LRP1B: variants seen among roughly 807,000 people sequenced by gnomAD.
LRP1B encodes the protein LDL receptor related protein 1B, also known as low-density lipoprotein receptor-related protein 1B.
LRP1B carries 217 observed loss-of-function variants against 556.6 expected under a neutral mutation model. The observed-to-expected ratio is 0.39, with a 90% CI of 0.35 to 0.44. The LOEUF is 0.44. LRP1B is among the 20% of genes least tolerant of loss of function. The pLI is 1.00. For synonymous variants in LRP1B, 2,047 were observed against 1,865.8 expected, an observed-to-expected ratio of 1.10 and a Z score of -2.50; for missense variants, 5,053 against 5,620.8, an observed-to-expected ratio of 0.90 and a Z score of 3.23.
At chr2:141,775,095 G>C (rs1695019746) in intron 2 of LRP1B, among the ~76,000 whole-genome samples, 1 of 152,188 alleles carries the variant, frequency 6.6e-6, no homozygotes, top group Admixed American at 6.5e-5. Context: ...TAACATGTAG[G>C]AGTCCTTCCC....
intron 76 of LRP1B, among the ~76,000 whole-genome samples, chr2:140,351,982 A>T (rs765728577): frequency 6.6e-6 from 1 of 152,072 alleles, no homozygotes; most frequent in Non-Finnish European, 1.5e-5. Context: ...AAGCATATCA[A>T]ATGCTATAGC....
intron 7 of LRP1B, among the ~76,000 whole-genome samples, chr2:141,145,503 A>G (rs1057508363): frequency 5.3e-5 from 8 of 151,118 alleles, no homozygotes; most frequent in African/African-American, 1.9e-4. Context: ...GTCATAAAAT[A>G]CTGTTTTTCT....
intron 1 of LRP1B, among the ~76,000 whole-genome samples, chr2:141,913,967 C>G (rs531561634): frequency 6.6e-6 from 1 of 152,114 alleles, no homozygotes; most frequent in East Asian, 1.9e-4. Context: ...AGGATGGTCT[C>G]GATCTCCTGA....
At chr2:140,758,739 G>A (rs1361420667) in intron 35 of LRP1B, among the ~76,000 whole-genome samples, 1 of 151,814 alleles carries the variant, frequency 6.6e-6, no homozygotes, top group Non-Finnish European at 1.5e-5. Context: ...CAAAATATCA[G>A]TTGCTTTACC....
chr2:141,096,346 G>A (rs553365729), intron 7 of LRP1B, among the ~76,000 whole-genome samples: 1 of 151,980 alleles, frequency 6.6e-6, no homozygotes, highest in South Asian at 2.1e-4. Context: ...CCAGCACTTC[G>A]GGAGGCTGAA....
intron 18 of LRP1B, among the ~76,000 whole-genome samples, chr2:140,975,471 T>A (rs1696566087): frequency 2.2e-5 from 1 of 44,846 alleles, no homozygotes. Flanking sequence ...CCTCTCTGCC[T>A]GAAGAGCTAA....
chr2:140,399,344 T>G lies in LRP1B; in HGVS notation c.10415-13335A>C, dbSNP rs142695230. Among the ~76,000 whole-genome samples the G allele has an allele frequency of 3.4e-3, 525 of 152,284 alleles. 4 individuals carry two copies. The highest frequency in any genetic ancestry group is 0.012 in the African/African-American group (508 of 41,564). ...ACTGCTAGTATCATCTGGCATCATTTTTTCTCTTATATCTTTTTTACACTG... is the reference window on the plus strand; with the variant it reads ...ACTGCTAGTATCATCTGGCATCATTGTTTCTCTTATATCTTTTTTACACTG... On this transcript the variant is annotated intron_variant, in intron 66 of 90. Transcript: ENST00000389484.
At chr2:141,618,204 G>A (rs1688380464) in intron 2 of LRP1B, among the ~76,000 whole-genome samples, 1 of 151,890 alleles carries the variant, frequency 6.6e-6, no homozygotes, top group Non-Finnish European at 1.5e-5. Context: ...TTCCTCGCTA[G>A]TAATTTATGG....
In LRP1B at chr2:140,994,130, G is replaced by C. The variant is rs761944538; in HGVS notation, c.2509C>G (p.Pro837Ala). 6.2e-7 allele frequency: 1 copy of C among 1,611,800 alleles called. No individual in the cohort carries two copies. ...CATATGTGAGGTAGTGCTTCTCCAG[G>C]ATTAACTAGAGTTAAAAAAACCCAA... ...DENGTTCTFNPGEALPHICKA... is the reference protein window; with the variant it reads ...DENGTTCTFNAGEALPHICKA... The change falls in exon 16 of 91, where the codon CCT becomes GCT. Residue 837 changes from proline (P) to alanine (A), a missense_variant. Coordinates refer to ENST00000389484, the MANE Select transcript of LRP1B (RefSeq NM_018557.3).
intron 3 of LRP1B, among the ~76,000 whole-genome samples, chr2:141,426,816 C>T (rs1004681252): frequency 6.6e-6 from 1 of 152,148 alleles, no homozygotes; most frequent in South Asian, 2.1e-4. Context: ...CTGGTTTACA[C>T]AGAACTTTTC....
At chr2:140,376,066 T>C (rs1429545290) in intron 68 of LRP1B, among the ~76,000 whole-genome samples, 2 of 152,028 alleles carry the variant, frequency 1.3e-5, no homozygotes, top group Non-Finnish European at 2.9e-5. Context: ...CAACTACCAA[T>C]AGTGTTAGCT....
chr2:140,494,606 C>CAAAA (rs77006034), intron 56 of LRP1B, among the ~76,000 whole-genome samples: 12 of 64,152 alleles, frequency 1.9e-4, no homozygotes, highest in African/African-American at 3.1e-4. Context: ...GACTCCGTCT[C>CAAAA]AAAAAAAAAA....
chr2:141,319,455 T>C (rs1171875147), intron 3 of LRP1B, among the ~76,000 whole-genome samples: 1 of 151,934 alleles, frequency 6.6e-6, no homozygotes, highest in East Asian at 1.9e-4. Context: ...CATTAACATA[T>C]AGTATATCAC....
intron 3 of LRP1B, among the ~76,000 whole-genome samples, chr2:141,327,625 A>T (rs908016074): frequency 6.6e-6 from 1 of 152,236 alleles, no homozygotes; most frequent in African/African-American, 2.4e-5. Flanking sequence ...TTCTCCTAAA[A>T]AGAAGGGAAT....
At chr2:140,505,173 A>G (rs1202054217) in intron 53 of LRP1B, among the ~76,000 whole-genome samples, 1 of 152,222 alleles carries the variant, frequency 6.6e-6, no homozygotes, top group Non-Finnish European at 1.5e-5. Context: ...CTTTACAAAT[A>G]TAAATTCATT....
At position 140,883,848 on chromosome 2, in the gene LRP1B, G is replaced by A. The variant is rs2105186756; in HGVS notation, c.4138C>T (p.Pro1380Ser). Residue 1380 changes from proline (P) to serine (S), a missense_variant, in exon 25 of 91, where the codon CCC becomes TCC. Physicochemically the swap from Pro to Ser is moderately conservative, Grantham distance 74 (BLOSUM62 -1). Transcript: ENST00000389484. ...TTLIAGAMEHPRAIALDPRYG... is the reference protein window; with the variant it reads ...TTLIAGAMEHSRAIALDPRYG... The stretch of plus-strand genomic sequence containing the variant: ...CTTGGGTCCAAAGCAATGGCCCTGG[G>A]GTGTTCCATGGCTCCTGCTATTAGT... 1 of 1,613,826 alleles carries A rather than the reference G, an allele frequency of 6.2e-7. No homozygotes were observed. Among genetic ancestry groups the A allele is most frequent in the Non-Finnish European group, 8.5e-7 (1 of 1,179,888 alleles).
intron 1 of LRP1B, among the ~76,000 whole-genome samples, chr2:142,011,793 G>T (rs1442474019): frequency 6.6e-6 from 1 of 152,080 alleles, no homozygotes; most frequent in Non-Finnish European, 1.5e-5. Context: ...AATATGTATT[G>T]ACTTGCTTGT....
At chr2:141,634,817 G>A (rs1370645254) in intron 2 of LRP1B, among the ~76,000 whole-genome samples, 2 of 151,912 alleles carry the variant, frequency 1.3e-5, no homozygotes, top group Non-Finnish European at 2.9e-5. Flanking sequence ...GAGTTATCCA[G>A]AAACATTTGA....
intron 1 of LRP1B, among the ~76,000 whole-genome samples, chr2:142,125,756 A>G (rs1381450232): frequency 1.3e-5 from 2 of 151,830 alleles, no homozygotes; most frequent in Non-Finnish European, 3.0e-5. Context: ...GAAAATGTAT[A>G]GCAACTCCAC....
Sources: gnomAD v4.1 joint callset for allele counts (sites outside exome capture counted in the v4.1 genomes callset) on GRCh38, gnomAD v4.1.1 for gene constraint, MANE v1.5 for transcripts, NCBI Gene and HGNC (gene_info 2026-07-23, HGNC 2026-07-21) for gene names.